Variants in AIG1 observed in about 807,000 individuals in gnomAD.
AIG1 encodes androgen-induced gene 1 protein.
A neutral mutation model predicts 31.4 loss-of-function variants in AIG1; 23 were observed. The observed-to-expected ratio is 0.73, with a 90% CI of 0.53 to 1.04. AIG1 has a LOEUF of 1.04. Among genes scored for constraint, AIG1 ranks in the 50% least tolerant of loss-of-function variants. AIG1 has a pLI of 0.00. For synonymous variants in AIG1, 100 were observed against 110.5 expected, an observed-to-expected ratio of 0.90 and a Z score of 0.60; for missense variants, 274 against 295.0, an observed-to-expected ratio of 0.93 and a Z score of 0.52.
intron 2 of AIG1, among the ~76,000 whole-genome samples, chr6:143,138,770 T>A (rs1213809829): frequency 1.3e-5 from 2 of 151,722 alleles, no homozygotes; most frequent in Non-Finnish European, 2.9e-5. Flanking sequence ...GTGGGCTCCT[T>A]TAGTCCCAGC....
chr6:143,242,337 G>A (rs187474600), intron 3 of AIG1, among the ~76,000 whole-genome samples: 12 of 152,272 alleles, frequency 7.9e-5, no homozygotes, highest in East Asian at 3.9e-4. Context: ...ATTAGCGGAC[G>A]TGATAACCCT....
chr6:143,319,248 G>A (rs1446892380), intron 4 of AIG1, among the ~76,000 whole-genome samples: 1 of 152,004 alleles, frequency 6.6e-6, no homozygotes, highest in East Asian at 1.9e-4. Flanking sequence ...ATCAACAAGT[G>A]GATAAAGAAA....
At chr6:143,160,100 T>C (rs1786198250) in intron 2 of AIG1, among the ~76,000 whole-genome samples, 1 of 152,172 alleles carries the variant, frequency 6.6e-6, no homozygotes, top group Non-Finnish European at 1.5e-5. Context: ...GATGTATCCA[T>C]TTCCTCCCCT....
chr6:143,144,657 A>G (rs187172690), intron 2 of AIG1, among the ~76,000 whole-genome samples: 1 of 152,340 alleles, frequency 6.6e-6, no homozygotes, highest in Admixed American at 6.5e-5. Context: ...CACTTCATTC[A>G]AGTCTGCTCA....
intron 3 of AIG1, among the ~76,000 whole-genome samples, chr6:143,282,474 A>G (rs1329304578): frequency 6.6e-6 from 1 of 152,224 alleles, no homozygotes; most frequent in East Asian, 1.9e-4. Flanking sequence ...ATTATAATGA[A>G]AAACCAATAG....
At chr6:143,179,194 A>C (rs1183612602) in intron 3 of AIG1, among the ~76,000 whole-genome samples, 1 of 152,184 alleles carries the variant, frequency 6.6e-6, no homozygotes, top group Non-Finnish European at 1.5e-5. Flanking sequence ...ACACTGGTGC[A>C]CCTGGTCACC....
chr6:143,251,788 C>T (rs939529417), intron 3 of AIG1, among the ~76,000 whole-genome samples: 9 of 152,228 alleles, frequency 5.9e-5, no homozygotes, highest in Middle Eastern at 3.4e-3. Context: ...ACTGTTCTTC[C>T]TCCCACCATC....
At chr6:143,136,740 T>G in intron 1 of AIG1, 95 bp from the exon 2 acceptor site, 3 of 1,119,794 alleles carry the variant, frequency 2.7e-6, no homozygotes, top group Non-Finnish European at 3.5e-6. Flanking sequence ...TCCTTTCTTA[T>G]TAGATGTCAT....
intron 2 of AIG1, among the ~76,000 whole-genome samples, chr6:143,148,329 C>T (rs1389997204): frequency 8.1e-6 from 1 of 122,966 alleles, no homozygotes; most frequent in Non-Finnish European, 1.7e-5. Flanking sequence ...AGTGAGATCC[C>T]ATCTCTACAA....
intron 3 of AIG1, among the ~76,000 whole-genome samples, chr6:143,171,208 G>C (rs1359067276): frequency 1.3e-5 from 2 of 150,772 alleles, no homozygotes; most frequent in Non-Finnish European, 3.0e-5. Flanking sequence ...CCTTTCCCTT[G>C]AGTCCCCAAA....
In AIG1 at chr6:143,237,472, G is replaced by A. The variant is rs142293509; in HGVS notation, c.400-46638G>A. Among the ~76,000 whole-genome samples, 654 of 152,270 alleles carry A rather than the reference G, an allele frequency of 4.3e-3. 6 individuals carry two copies. The highest frequency in any genetic ancestry group is 0.014 in the African/African-American group (598 of 41,526). On this transcript the variant is annotated intron_variant, in intron 3 of 5. Transcript: ENST00000357847. The stretch of plus-strand genomic sequence containing the variant: ...GGACTGGGGCTATGAAGTCAAGAAA[G>A]ATACCATCTCTCTCAACTAATATAT...
chr6:143,090,421 A>G (rs1239409840), intron 1 of AIG1, among the ~76,000 whole-genome samples: 1 of 152,210 alleles, frequency 6.6e-6, no homozygotes, highest in Non-Finnish European at 1.5e-5. Flanking sequence ...TTTATAGTCG[A>G]TCTGTTTTCA....
chr6:143,143,168 T>A (rs182726816), intron 2 of AIG1, among the ~76,000 whole-genome samples: 5 of 152,090 alleles, frequency 3.3e-5, no homozygotes, highest in Admixed American at 2.6e-4. Context: ...TAAAAGCAAA[T>A]GTCTTTCCTT....
At chr6:143,266,882 T>C (rs1796195651) in intron 3 of AIG1, among the ~76,000 whole-genome samples, 1 of 152,172 alleles carries the variant, frequency 6.6e-6, no homozygotes, top group Admixed American at 6.5e-5. Flanking sequence ...TCAAGGCTGC[T>C]GTGAACTATG....
Position 143,327,406 on chromosome 6 carries a change from T to C in AIG1, c.516-5876T>C. On this transcript the variant is annotated intron_variant, in intron 4 of 5. Coordinates refer to ENST00000357847, the MANE Select transcript of AIG1 (RefSeq NM_016108.4). This position sits in a 1 kb window ranked among gnomAD's most constrained non-coding sequence, Gnocchi z 5.3. ...GAGTGGGCTTCAAGAAGTCTGCCCC[T>C]TGGGCACTCAAAGAGATCTGGAAAT... 5.8e-6 allele frequency: 2 copies of C among 342,430 alleles called. No homozygotes were observed. The highest frequency in any genetic ancestry group is 7.5e-5 in the Admixed American group (2 of 26,704). 21.2% of individuals were successfully genotyped at this position (342,430 alleles called of 1,614,324 possible).
intron 1 of AIG1, among the ~76,000 whole-genome samples, chr6:143,063,164 G>T (rs1227288351): frequency 6.6e-6 from 1 of 152,226 alleles, no homozygotes; most frequent in Non-Finnish European, 1.5e-5. Context: ...AACCATAGTA[G>T]AGTCAGCTTG....
rs763754264 is a variant in AIG1 at position 143,339,607 on chromosome 6, G to T, written c.680-32G>T. 6 of 1,608,536 alleles carry T rather than the reference G, an allele frequency of 3.7e-6. No individual in the cohort carries two copies. In the South Asian group the frequency reaches 4.4e-5, roughly 12 times the overall value. ...CAAACTGCTTGTGGTTTAATCTGAT[G>T]CTCAAATAAAACACTTTGCCTGTAT... is the stretch of plus-strand genomic sequence containing the variant. On this transcript the variant is annotated intron_variant, in intron 5 of 5. Coordinates refer to ENST00000357847, the MANE Select transcript of AIG1 (RefSeq NM_016108.4).
chr6:143,247,909 A>G (rs886737638), intron 3 of AIG1, among the ~76,000 whole-genome samples: 1 of 152,024 alleles, frequency 6.6e-6, no homozygotes, highest in Non-Finnish European at 1.5e-5. Flanking sequence ...TCATCTTTCC[A>G]TTTTCCTCTG....
intron 2 of AIG1, among the ~76,000 whole-genome samples, chr6:143,158,493 A>G (rs1025929350): frequency 6.6e-6 from 1 of 152,102 alleles, no homozygotes; most frequent in Non-Finnish European, 1.5e-5. Context: ...TTAAAGAGTG[A>G]TGTTTGGATT....
Sources: allele counts gnomAD v4.1 joint callset (sites outside exome capture counted in the v4.1 genomes callset), GRCh38; gene constraint gnomAD v4.1.1; non-coding constraint Gnocchi (gnomAD v3.1); transcripts MANE v1.5; gene names NCBI Gene and HGNC (gene_info 2026-07-23, HGNC 2026-07-21).